Variants in EGFLAM observed in about 807,000 individuals in gnomAD.
The protein encoded by EGFLAM is EGF like, fibronectin type III and laminin G domains, also known as pikachurin.
In EGFLAM, 79 loss-of-function variants were observed where a neutral mutation model predicts 113.1. That is an observed-to-expected ratio of 0.70 (90% CI 0.58 to 0.84). The LOEUF (loss-of-function observed/expected upper bound fraction) is 0.84. Ranked by LOEUF, EGFLAM falls within the 40% of genes least tolerant of loss-of-function variation. The pLI is 0.00. For synonymous variants in EGFLAM, 504 were observed against 487.6 expected (o/e 1.03, Z -0.44); for missense variants, 1,265 against 1,291.6 (o/e 0.98, Z 0.32).
At position 38,258,842 on chromosome 5, in the gene EGFLAM, C is replaced by G. The variant is rs4869581; in HGVS notation, c.88C>G (p.Arg30Gly). ...CGCGGTGTCGCTCCGAGCGGCCATC[C>G]GAAAACCAGGTAATGCGCTCCTCCG... ...PGAVSLRAAI[R>G]KPGKVGPPLD... Residue 30 changes from arginine to glycine, a missense_variant, in exon 1 of 22, where the codon CGA becomes GGA. Coordinates refer to ENST00000322350, the MANE Select transcript of EGFLAM (RefSeq NM_152403.4). 7 of 1,611,778 alleles carry G rather than the reference C, an allele frequency of 4.3e-6. No homozygotes were observed. The highest frequency in any genetic ancestry group is 1.1e-5 in the South Asian group (1 of 90,990).
chr5:38,457,017 G>A (rs1325860876), intron 19 of EGFLAM, among the ~76,000 whole-genome samples: 2 of 152,152 alleles, frequency 1.3e-5, no homozygotes, highest in African/African-American at 4.8e-5. Context: ...ATTTCTCTCT[G>A]GTAACAACAT....
At chr5:38,389,241 A>T (rs1740750381) in intron 6 of EGFLAM, among the ~76,000 whole-genome samples, 1 of 152,188 alleles carries the variant, frequency 6.6e-6, no homozygotes, top group African/African-American at 2.4e-5. Flanking sequence ...TGCCCTTTAT[A>T]ATTATTCAGC....
intron 11 of EGFLAM, among the ~76,000 whole-genome samples, chr5:38,413,225 C>G (rs1579894934): frequency 9.6e-6 from 1 of 104,436 alleles, no homozygotes; most frequent in Non-Finnish European, 1.8e-5. Flanking sequence ...GTTAGAGTTT[C>G]ACTGTGTTGC....
intron 17 of EGFLAM, chr5:38,445,464 G>T (rs1393407786): frequency 2.8e-6 from 4 of 1,416,394 alleles, no homozygotes; most frequent in Non-Finnish European, 9.2e-7. Context: ...GAGGAGGCGG[G>T]TGGCTGGGTG....
intron 7 of EGFLAM, among the ~76,000 whole-genome samples, 173 bp from the exon 8 acceptor site, chr5:38,406,655 C>T (rs983455738): frequency 2.0e-5 from 3 of 152,170 alleles, no homozygotes; most frequent in African/African-American, 4.8e-5. Flanking sequence ...CTATAAGTCC[C>T]TGACCATCAA....
chr5:38,275,230 T>G (rs77040610), intron 1 of EGFLAM, among the ~76,000 whole-genome samples: 28,530 of 152,144 alleles, frequency 0.19, 2,794 homozygotes, highest in Middle Eastern at 0.23. Flanking sequence ...TACCTATCAA[T>G]AATTACTTTG....
intron 10 of EGFLAM, among the ~76,000 whole-genome samples, chr5:38,410,679 G>C (rs951607813): frequency 1.3e-5 from 2 of 152,168 alleles, no homozygotes; most frequent in African/African-American, 4.8e-5. Context: ...GCACTCCTGG[G>C]CCATAGGGAG....
chr5:38,454,356 C>G (rs1008973649), intron 19 of EGFLAM, among the ~76,000 whole-genome samples: 3 of 146,902 alleles, frequency 2.0e-5, no homozygotes. Context: ...GCCTGATCCC[C>G]CACGTGGGCT....
At chr5:38,458,478 C>T in intron 20 of EGFLAM, 84 bp downstream of exon 20, 1 of 1,361,194 alleles carries the variant, frequency 7.3e-7, no homozygotes, top group Non-Finnish European at 1.0e-6. Flanking sequence ...GTCCCACTGT[C>T]CTGTTCCCCA....
chr5:38,289,834 G>T (rs1333806682), intron 1 of EGFLAM, among the ~76,000 whole-genome samples: 1 of 152,184 alleles, frequency 6.6e-6, no homozygotes, highest in Non-Finnish European at 1.5e-5. Context: ...GGAAGGCCAC[G>T]GTAGTCTCCT....
intron 1 of EGFLAM, among the ~76,000 whole-genome samples, chr5:38,309,848 G>T (rs1416152133): frequency 2.0e-5 from 3 of 152,168 alleles, no homozygotes; most frequent in Admixed American, 6.5e-5. Flanking sequence ...CTCTTTAGGG[G>T]ACAGGCAAAA....
At chr5:38,277,599 G>T (rs62352423) in intron 1 of EGFLAM, among the ~76,000 whole-genome samples, 62,475 of 151,560 alleles carry the variant, frequency 0.41, 13,344 homozygotes, top group Middle Eastern at 0.56. Context: ...AGCTCTAAAT[G>T]GGAAAGAAGA....
chr5:38,334,617 A>G (rs1166338889), intron 1 of EGFLAM, among the ~76,000 whole-genome samples: 2 of 152,182 alleles, frequency 1.3e-5, no homozygotes, highest in African/African-American at 4.8e-5. Context: ...GCATTTGCAT[A>G]TTTTGGATAA....
intron 1 of EGFLAM, among the ~76,000 whole-genome samples, chr5:38,286,827 G>T (rs539126247): frequency 2.6e-5 from 4 of 152,174 alleles, no homozygotes; most frequent in Non-Finnish European, 5.9e-5. Context: ...GCGACTTTGC[G>T]TCTATGAGAT....
intron 1 of EGFLAM, among the ~76,000 whole-genome samples, chr5:38,319,482 T>A (rs1738686310): frequency 6.6e-6 from 1 of 152,166 alleles, no homozygotes; most frequent in Non-Finnish European, 1.5e-5. Flanking sequence ...CGGAAACTGT[T>A]GTAGGTGCCA....
chr5:38,400,260 T>C (rs1741072258), intron 6 of EGFLAM, among the ~76,000 whole-genome samples: 1 of 152,222 alleles, frequency 6.6e-6, no homozygotes, highest in South Asian at 2.1e-4. Context: ...CTGTGATGCC[T>C]TTATTAAAAC....
intron 1 of EGFLAM, among the ~76,000 whole-genome samples, chr5:38,289,193 A>G (rs1417793742): frequency 6.6e-6 from 1 of 151,934 alleles, no homozygotes. Context: ...CTAAGCTTGT[A>G]TCCTGGAGTC....
intron 6 of EGFLAM, among the ~76,000 whole-genome samples, chr5:38,380,029 A>G (rs1740469231): frequency 6.6e-6 from 1 of 152,248 alleles, no homozygotes; most frequent in Non-Finnish European, 1.5e-5. Context: ...GTAAATAATT[A>G]TACATGGCTG....
chr5:38,344,070 G>A (rs558841921), intron 3 of EGFLAM, among the ~76,000 whole-genome samples: 1 of 152,348 alleles, frequency 6.6e-6, no homozygotes, highest in East Asian at 1.9e-4. Flanking sequence ...ATTTCTAGCA[G>A]TAGGAGGAGA....
Sources: allele counts gnomAD v4.1 joint callset (sites outside exome capture counted in the v4.1 genomes callset), GRCh38; gene constraint gnomAD v4.1.1; transcripts MANE v1.5; gene names NCBI Gene and HGNC (gene_info 2026-07-23, HGNC 2026-07-21).